Variants in TTC29 observed in about 807,000 individuals in gnomAD.
TTC29 encodes the protein tetratricopeptide repeat domain 29.
TTC29 carries 49 observed loss-of-function variants against 58.1 expected under a neutral mutation model. The ratio of observed to expected loss-of-function variants is 0.84; its 90% CI spans 0.67 to 1.07. The LOEUF (loss-of-function observed/expected upper bound fraction) is 1.07, where lower values mean the gene tolerates loss of function less well. Among genes scored for constraint, TTC29 ranks in the 50% least tolerant of loss-of-function variants. The probability of loss-of-function intolerance (pLI) is 0.00; values close to 1 mark genes in which losing one functional copy is unlikely to be tolerated. For missense variants in TTC29, 582 were observed against 555.6 expected (o/e 1.05, Z -0.48); for synonymous variants, 209 against 196.8 (o/e 1.06, Z -0.52).
Position 146,710,285 on chromosome 4 carries a change from G to A in TTC29, c.1331-2734C>T, listed in dbSNP as rs1158077469. 2.0e-5 allele frequency among the ~76,000 whole-genome samples: 3 copies of A among 152,054 alleles called. 1 individual carries two copies. Among genetic ancestry groups the A allele is most frequent in the Non-Finnish European group, 4.4e-5 (3 of 67,998 alleles). On this transcript the variant is annotated intron_variant, in intron 11 of 12. Coordinates refer to ENST00000325106, the MANE Select transcript of TTC29 (RefSeq NM_031956.4). ...AACCTGTTCGGCACATTACTATAGTGAATATTGTAGGCATCTGTAACACTA... is the reference window on the plus strand; with the variant it reads ...AACCTGTTCGGCACATTACTATAGTAAATATTGTAGGCATCTGTAACACTA...
rs536275463 is a variant in TTC29 at position 146,722,274 on chromosome 4, A to C, written c.1331-14723T>G. Among the ~76,000 whole-genome samples the C allele has an allele frequency of 2.0e-5, 3 of 152,356 alleles. No homozygotes were observed. The East Asian group carries it at 5.8e-4, about 29-fold the overall frequency. On this transcript the variant is annotated intron_variant, in intron 11 of 12. Coordinates refer to ENST00000325106, the MANE Select transcript of TTC29 (RefSeq NM_031956.4). ...AACCTGCAGATTCAATGCTGTTCCTATCAAGCTACCAACATCATTTTTCAC... is the reference window on the plus strand; with the variant it reads ...AACCTGCAGATTCAATGCTGTTCCTCTCAAGCTACCAACATCATTTTTCAC...
chr4:146,725,751 C>A (rs977310248), intron 11 of TTC29, among the ~76,000 whole-genome samples: 4 of 152,124 alleles, frequency 2.6e-5, no homozygotes, highest in African/African-American at 7.2e-5. Context: ...AATAAAAAAA[C>A]CAAATAGCCT....
At chr4:146,857,611 TA>T (rs1729956328) in intron 8 of TTC29, among the ~76,000 whole-genome samples, 3 of 152,252 alleles carry the variant, frequency 2.0e-5, no homozygotes, top group African/African-American at 7.2e-5. Context: ...TATATTATGA[TA>T]ACCAGCCATC....
At chr4:146,718,918 A>G (rs938889799) in intron 11 of TTC29, among the ~76,000 whole-genome samples, 1 of 152,162 alleles carries the variant, frequency 6.6e-6, no homozygotes, top group African/African-American at 2.4e-5. Flanking sequence ...TTCATTCTGC[A>G]TACGGATATC....
At chr4:146,777,616 T>G (rs1748209285) in intron 11 of TTC29, among the ~76,000 whole-genome samples, 1 of 152,214 alleles carries the variant, frequency 6.6e-6, no homozygotes, top group Admixed American at 6.5e-5. Flanking sequence ...AGCTGCAGTG[T>G]TCTAAGCCTC....
At chr4:146,858,650 A>C (rs930121027) in intron 8 of TTC29, among the ~76,000 whole-genome samples, 1 of 152,324 alleles carries the variant, frequency 6.6e-6, no homozygotes, top group African/African-American at 2.4e-5. Context: ...TAATAGTAAC[A>C]TAATAGTTTT....
At chr4:146,825,021 T>C (rs958456586) in intron 9 of TTC29, among the ~76,000 whole-genome samples, 6 of 152,180 alleles carry the variant, frequency 3.9e-5, no homozygotes, top group Admixed American at 3.3e-4. Context: ...GCTAGCAGTT[T>C]ATCTATTTTA....
Position 146,909,142 on chromosome 4 carries a change from C to G in TTC29, c.284G>C (p.Arg95Thr), listed in dbSNP as rs762546405. 1.4e-5 allele frequency: 22 copies of G among 1,613,704 alleles called. No individual in the cohort carries two copies. Among genetic ancestry groups the G allele is most frequent in the Non-Finnish European group, 1.8e-5 (21 of 1,179,862 alleles). ...GAGGGACCTGACTCTCGCAGCCTCC[C>G]TCAGGGCATCCCACCGCTCCATCAG... ...FALMERWDAL[R>T]EAARVRSLFW... Residue 95 changes from arginine (R) to threonine (T), a missense_variant, in exon 5 of 13, where the codon AGG (arginine) becomes ACG (threonine). By Grantham distance (71) the Arg-to-Thr change is moderately conservative (BLOSUM62 -1). Coordinates refer to ENST00000325106, the MANE Select transcript of TTC29 (RefSeq NM_031956.4).
chr4:146,820,388 A>G (rs1023190015), intron 9 of TTC29, 140 bp from the exon 10 acceptor site: 27 of 983,802 alleles, frequency 2.7e-5, no homozygotes, highest in Non-Finnish European at 3.7e-5. Context: ...ATACCAAATT[A>G]AAATATATGG....
chr4:146,759,170 ACAAAAGAT>A (rs1252744943), intron 11 of TTC29, among the ~76,000 whole-genome samples: 4 of 152,156 alleles, frequency 2.6e-5, no homozygotes, highest in Admixed American at 1.3e-4. Context: ...CCACTGAAAT[ACAAAAGAT>A]CATTCAAGGC....
Position 146,719,058 on chromosome 4 carries a change from T to C in TTC29, c.1331-11507A>G, listed in dbSNP as rs561682342. ...TTTATGGGTTCTCTATTCTGTTCTA[T>C]TGGTCAATAACTCTATTTTTTGCCA... is the stretch of plus-strand genomic sequence containing the variant. On this transcript the variant is annotated intron_variant, in intron 11 of 12. Transcript: ENST00000325106. Among the ~76,000 whole-genome samples the C allele has an allele frequency of 3.3e-5, 5 of 152,286 alleles. No individual in the cohort carries two copies. The East Asian group carries it at 7.7e-4, about 23-fold the overall frequency.
intron 8 of TTC29, among the ~76,000 whole-genome samples, chr4:146,863,385 C>T (rs1188209716): frequency 6.6e-6 from 1 of 152,076 alleles, no homozygotes; most frequent in African/African-American, 2.4e-5. Context: ...CTTTTTCTTT[C>T]AACACTATTA....
At chr4:146,840,925 T>C (rs1015861384) in intron 8 of TTC29, among the ~76,000 whole-genome samples, 4 of 152,170 alleles carry the variant, frequency 2.6e-5, no homozygotes, top group East Asian at 1.9e-4. Context: ...CAATGTTCAA[T>C]AGAAAGTGTG....
At chr4:146,763,004 T>A (rs1310760885) in intron 11 of TTC29, among the ~76,000 whole-genome samples, 1 of 152,026 alleles carries the variant, frequency 6.6e-6, no homozygotes, top group Non-Finnish European at 1.5e-5. Flanking sequence ...AGCAGTCAAT[T>A]CCTTTGCATT....
chr4:146,796,291 G>A (rs1749829629), intron 11 of TTC29, among the ~76,000 whole-genome samples: 1 of 151,738 alleles, frequency 6.6e-6, no homozygotes, highest in Non-Finnish European at 1.5e-5. Context: ...TTCAATTAGA[G>A]TAAAATAAAA....
chr4:146,720,783 T>G (rs1167244354), intron 11 of TTC29, among the ~76,000 whole-genome samples: 1 of 152,088 alleles, frequency 6.6e-6, no homozygotes, highest in East Asian at 1.9e-4. Context: ...TTCACACTAC[T>G]CCACTCTCAG....
Position 146,903,650 on chromosome 4 carries a change from G to A in TTC29, c.480C>T (p.Asn160=). ...FNNSEDKWVR[N]HFYERCFKIA... The stretch of plus-strand genomic sequence containing the variant: ...TCTTAAAACATCGTTCATAGAAGTG[G>A]TTCCTTACCCACTTGTCTTCAGAAT... Residue 160 remains asparagine (N), a synonymous_variant, in exon 6 of 13, where the codon AAC becomes AAT. Coordinates refer to ENST00000325106, the MANE Select transcript of TTC29 (RefSeq NM_031956.4). The A allele has an allele frequency of 6.2e-7, 1 of 1,612,880 alleles. No homozygotes were observed.
intron 8 of TTC29, among the ~76,000 whole-genome samples, chr4:146,866,996 G>A (rs1394819380): frequency 6.6e-6 from 1 of 152,034 alleles, no homozygotes; most frequent in African/African-American, 2.4e-5. Context: ...TGATTATACG[G>A]CAGGCTACTT....
At chr4:146,715,493 A>G (rs1742862738) in intron 11 of TTC29, among the ~76,000 whole-genome samples, 1 of 152,208 alleles carries the variant, frequency 6.6e-6, no homozygotes, top group Non-Finnish European at 1.5e-5. Flanking sequence ...CATTATGTTC[A>G]GTGAAATAAG....
Sources: allele counts gnomAD v4.1 joint callset (sites outside exome capture counted in the v4.1 genomes callset), GRCh38; gene constraint gnomAD v4.1.1; transcripts MANE v1.5; gene names NCBI Gene and HGNC (gene_info 2026-07-23, HGNC 2026-07-21).